GPR155: variants seen among roughly 807,000 people sequenced by gnomAD.
GPR155 encodes the protein G protein-coupled receptor 155, also known as lysosomal cholesterol signaling protein.
In GPR155, 65 loss-of-function variants were observed where a neutral mutation model predicts 93.1. The ratio of observed to expected loss-of-function variants is 0.70; its 90% CI spans 0.57 to 0.86. The LOEUF (loss-of-function observed/expected upper bound fraction) is 0.86. Ranked by LOEUF, GPR155 falls within the 40% of genes least tolerant of loss-of-function variation. GPR155 has a pLI of 0.00. For missense variants in GPR155, 838 were observed against 1,034.8 expected (o/e 0.81, Z 2.61); for synonymous variants, 319 against 360.1 (o/e 0.89, Z 1.29).
intron 3 of GPR155, among the ~76,000 whole-genome samples, chr2:174,471,720 A>G (rs1354661893): frequency 6.6e-6 from 1 of 152,150 alleles, no homozygotes; most frequent in East Asian, 1.9e-4. Flanking sequence ...TCTGATCTGT[A>G]CTTTTTAAAT....
At position 174,481,568 on chromosome 2, in the gene GPR155, C is replaced by A. The variant is rs143852370; in HGVS notation, c.389G>T (p.Arg130Leu). Residue 130 changes from arginine (R) to leucine (L), a missense_variant, in exon 2 of 16, where the codon CGA becomes CTA. By Grantham distance (102) the Arg-to-Leu change is moderately radical (BLOSUM62 -2). Coordinates refer to ENST00000392552, the MANE Select transcript of GPR155 (RefSeq NM_152529.7). ...LTLLVASPDS[R>L]FSKAGLFPIF... ...AGGGAATAGTCCAGCTTTGCTAAAT[C>A]GACTATCAGGACTGGCAACCAATAA... is the stretch of plus-strand genomic sequence containing the variant. 1.2e-6 allele frequency: 2 copies of A among 1,613,240 alleles called. No individual in the cohort carries two copies. The highest frequency in any genetic ancestry group is 2.7e-5 in the African/African-American group (2 of 74,892).
intron 1 of GPR155, among the ~76,000 whole-genome samples, chr2:174,485,745 C>T (rs1688460131): frequency 6.6e-6 from 1 of 151,436 alleles, no homozygotes; most frequent in South Asian, 2.1e-4. Context: ...CTTTTTTAAA[C>T]GGGAAGATAA....
chr2:174,483,570 C>T (rs1688390800), intron 1 of GPR155, among the ~76,000 whole-genome samples: 1 of 151,990 alleles, frequency 6.6e-6, no homozygotes, highest in Admixed American at 6.6e-5. Flanking sequence ...ATTAAAATGA[C>T]GACAATTGCC....
intron 2 of GPR155, among the ~76,000 whole-genome samples, chr2:174,476,472 C>T (rs992684562): frequency 2.0e-5 from 3 of 152,014 alleles, no homozygotes; most frequent in Non-Finnish European, 2.9e-5. Flanking sequence ...GGTGTGGTGG[C>T]GCACTCCCAT....
chr2:174,465,930 G>A (rs1276213443), intron 6 of GPR155, 28 bp from the exon 7 acceptor site: 14 of 1,041,394 alleles, frequency 1.3e-5, no homozygotes, highest in Non-Finnish European at 2.1e-5. Flanking sequence ...AAAAGACTTT[G>A]TAAATAGCTA....
chr2:174,445,667 G>A (rs906270100), intron 12 of GPR155, among the ~76,000 whole-genome samples: 3 of 152,100 alleles, frequency 2.0e-5, no homozygotes, highest in Admixed American at 6.6e-5. Flanking sequence ...ACCTCTGGAC[G>A]AGTTACACTT....
chr2:174,438,670 G>A (rs1031068418), intron 15 of GPR155, among the ~76,000 whole-genome samples: 11 of 151,992 alleles, frequency 7.2e-5, no homozygotes, highest in Non-Finnish European at 1.0e-4. Flanking sequence ...AACACACCCG[G>A]CTAGTTTTGT....
chr2:174,486,535 A>T (rs1397551942), intron 1 of GPR155, among the ~76,000 whole-genome samples: 1 of 152,202 alleles, frequency 6.6e-6, no homozygotes, highest in Non-Finnish European at 1.5e-5. Flanking sequence ...GAAGGGCCAG[A>T]TACTGAGGGT....
At chr2:174,448,422 G>A (rs1034904165) in intron 11 of GPR155, among the ~76,000 whole-genome samples, 1 of 151,674 alleles carries the variant, frequency 6.6e-6, no homozygotes, top group Non-Finnish European at 1.5e-5. Flanking sequence ...AGAAAACCTA[G>A]GAAACACCAT....
Position 174,440,045 on chromosome 2 carries a change from A to C in GPR155, c.2175-10T>G. 1 of 1,603,738 alleles carries C rather than the reference A, an allele frequency of 6.2e-7. No individual in the cohort carries two copies. Among genetic ancestry groups the C allele is most frequent in the Non-Finnish European group, 8.5e-7 (1 of 1,175,432 alleles). On this transcript the variant is annotated splice_polypyrimidine_tract_variant and intron_variant, in intron 14 of 15. Transcript: ENST00000392552. ...CCATAGGAATTCAAGTCTGAAAATC[A>C]AATTTATGGCCATTTTTAAGGACAG...
intron 1 of GPR155, among the ~76,000 whole-genome samples, chr2:174,484,786 T>C (rs1688426869): frequency 6.6e-6 from 1 of 152,108 alleles, no homozygotes; most frequent in Non-Finnish European, 1.5e-5. Context: ...TAGCTGAGCT[T>C]AGTCATGCGT....
At position 174,470,404 on chromosome 2, in the gene GPR155, T is replaced by C. The variant is rs757159341; in HGVS notation, c.1012A>G (p.Met338Val). 6.2e-7 allele frequency: 1 copy of C among 1,612,422 alleles called. No homozygotes were observed. The highest frequency in any genetic ancestry group is 8.5e-7 in the Non-Finnish European group (1 of 1,178,698). The change falls in exon 4 of 16, where the codon ATG becomes GTG. Residue 338 changes from methionine to valine, a missense_variant. Physicochemically the swap from Met to Val is conservative, Grantham distance 21. Coordinates refer to ENST00000392552, the MANE Select transcript of GPR155 (RefSeq NM_152529.7). ...GVAIFATQFN[M>V]EVEIITSGMV... ...TATATACATACAATTTCTACTTCCA[T>C]GTTGAATTGTGTTGCAAAGATAGCC...
chr2:174,473,249 C>A lies in GPR155; in HGVS notation c.576G>T (p.Lys192Asn). The change falls in exon 3 of 16, where the codon AAG becomes AAT. Residue 192 changes from lysine (K) to asparagine (N), a missense_variant. Transcript: ENST00000392552. ...GAGAAGCATTTTGAGTGTCTTTCCA[C>A]TTTTGGATTTCACAGAAAATAAACC... ...PIGFIFCEIQ[K>N]WKDTQNASQN... 6.2e-7 allele frequency: 1 copy of A among 1,613,754 alleles called. No homozygotes were observed. Among genetic ancestry groups the A allele is most frequent in the Non-Finnish European group, 8.5e-7 (1 of 1,179,770 alleles).
intron 2 of GPR155, among the ~76,000 whole-genome samples, chr2:174,477,766 G>C (rs530428492): frequency 6.6e-6 from 1 of 152,176 alleles, no homozygotes; most frequent in Non-Finnish European, 1.5e-5. Context: ...CAACTTTTAG[G>C]TTCTAATTAA....
chr2:174,463,780 A>G (rs1168307380), intron 7 of GPR155, among the ~76,000 whole-genome samples: 5 of 152,230 alleles, frequency 3.3e-5, no homozygotes, highest in Admixed American at 6.5e-5. Flanking sequence ...TTTGAATAGA[A>G]TCTGTGAATT....
intron 11 of GPR155, among the ~76,000 whole-genome samples, chr2:174,451,335 A>G (rs537231701): frequency 6.6e-6 from 1 of 151,998 alleles, no homozygotes; most frequent in Non-Finnish European, 1.5e-5. Context: ...AATTTTTTAT[A>G]CAGATATTAC....
At chr2:174,464,628 A>C (rs942525222) in intron 7 of GPR155, among the ~76,000 whole-genome samples, 1 of 151,480 alleles carries the variant, frequency 6.6e-6, no homozygotes, top group African/African-American at 2.4e-5. Flanking sequence ...ATTTTAATTG[A>C]TTGATCTAGT....
chr2:174,446,231 C>T (rs1043928959), intron 12 of GPR155, among the ~76,000 whole-genome samples: 2 of 144,920 alleles, frequency 1.4e-5, no homozygotes, highest in East Asian at 2.1e-4. Context: ...CGCTTGAACC[C>T]GGGAGGCAGA....
chr2:174,464,508 A>G (rs1654536952), intron 7 of GPR155, among the ~76,000 whole-genome samples: 1 of 152,114 alleles, frequency 6.6e-6, no homozygotes, highest in African/African-American at 2.4e-5. Flanking sequence ...TCATAGCATA[A>G]TAACCTGATG....
Sources: gnomAD v4.1 joint callset for allele counts (sites outside exome capture counted in the v4.1 genomes callset) on GRCh38, gnomAD v4.1.1 for gene constraint, MANE v1.5 for transcripts, NCBI Gene and HGNC (gene_info 2026-07-23, HGNC 2026-07-21) for gene names.